The following GAPDHS variants were observed in gnomAD, a reference collection of about 807,000 sequenced individuals.
GAPDHS encodes glyceraldehyde-3-phosphate dehydrogenase, spermatogenic.
GAPDHS carries 42 observed loss-of-function variants against 48.7 expected under a neutral mutation model. The observed-to-expected ratio is 0.86, with a 90% CI of 0.67 to 1.12. The LOEUF is 1.12. GAPDHS is among the 50% of genes most tolerant of loss of function. GAPDHS has a pLI of 0.00. For synonymous variants in GAPDHS, 166 were observed against 219.1 expected (o/e 0.76, Z 2.14); for missense variants, 512 against 557.7 (o/e 0.92, Z 0.82).
chr19:35,542,329 A>G lies in GAPDHS; in HGVS notation c.460A>G (p.Lys154Glu), dbSNP rs373359074. 1.9e-6 allele frequency: 3 copies of G among 1,611,096 alleles called. No homozygotes were observed. In the African/African-American group the frequency reaches 4.0e-5, roughly 22 times the overall value. ...EISVYQCKEP[K>E]QIPWRAVGSP... ...GCCACTTCCCCACAGCAAAGAGCCC[A>G]AACAGATCCCCTGGAGGGCTGTCGG... The change falls in exon 5 of 11, where the codon AAA becomes GAA. Residue 154 changes from lysine to glutamate, a missense_variant. Transcript: ENST00000222286.
rs2071444526 is a variant in GAPDHS at position 35,533,464 on chromosome 19, C to T, written c.-64C>T. 4.2e-6 allele frequency: 6 copies of T among 1,429,214 alleles called. No individual in the cohort carries two copies. Among genetic ancestry groups the T allele is most frequent in the Non-Finnish European group, 4.9e-6 (5 of 1,013,376 alleles). 88.5% of individuals were successfully genotyped at this position (1,429,214 alleles called of 1,614,324 possible). A position where few individuals can be genotyped will look rare whatever the true frequency, so the allele number is the denominator to read the frequency against. On this transcript the variant is annotated 5_prime_UTR_variant, in exon 1 of 11. Transcript: ENST00000222286. ...ATTAGCCCAGGACCCACAGCCCTGG[C>T]GCTCCGCACGCACCTCGGTAACATC...
At chr19:35,543,215 C>G in intron 7 of GAPDHS, 125 bp from the exon 8 acceptor site, 1 of 1,187,784 alleles carries the variant, frequency 8.4e-7, no homozygotes, top group Non-Finnish European at 1.2e-6. Context: ...CACACATCCC[C>G]TCCTGTGGTC....
At chr19:35,543,145 C>A in intron 7 of GAPDHS, 119 bp downstream of exon 7, 1 of 974,280 alleles carries the variant, frequency 1.0e-6, no homozygotes, top group Non-Finnish European at 1.6e-6. Flanking sequence ...GAGAGGCCCA[C>A]CAGTGCAGAA....
In GAPDHS at chr19:35,542,938, G is replaced by A. The variant is rs2071515043; in HGVS notation, c.660-7G>A. 6.2e-7 allele frequency: 1 copy of A among 1,612,478 alleles called. No homozygotes were observed. Among genetic ancestry groups the A allele is most frequent in the Non-Finnish European group, 8.5e-7 (1 of 1,178,454 alleles). On this transcript the variant is annotated splice_polypyrimidine_tract_variant and splice_region_variant and intron_variant, in intron 6 of 10. Coordinates refer to ENST00000222286, the MANE Select transcript of GAPDHS (RefSeq NM_014364.5). ...CACAGTGTCCGTGCACACCTTGGCTGTTTCAGCAACGCGTCCTGCACCACC... is the reference window on the plus strand; with the variant it reads ...CACAGTGTCCGTGCACACCTTGGCTATTTCAGCAACGCGTCCTGCACCACC...
chr19:35,544,095 G>T, intron 9 of GAPDHS: 1 of 428,048 alleles, frequency 2.3e-6, no homozygotes, highest in Admixed American at 4.1e-5. Context: ...TGTTCTTTTT[G>T]TGGCCATATT....
rs538594054 is a variant in GAPDHS, at chr19:35,537,874, GAGACC to G, written c.246-430_246-426del. 2.5e-3 allele frequency among the ~76,000 whole-genome samples: 375 copies of G among 152,260 alleles called. 1 individual carries two copies. Among genetic ancestry groups the G allele is most frequent in the African/African-American group, 8.8e-3 (367 of 41,532 alleles). ...TCTATCAACTTGAGGTCAGGAGTTCGAGACCAGCCTGGCCAACATGGCAAAACCCC... is the reference window on the plus strand; with the variant it reads ...TCTATCAACTTGAGGTCAGGAGTTCGAGCCTGGCCAACATGGCAAAACCCC... On this transcript the variant is annotated intron_variant, in intron 2 of 10. Transcript: ENST00000222286.
chr19:35,544,937 C>A lies in GAPDHS; in HGVS notation c.1085C>A (p.Thr362Asn). 2 of 1,613,250 alleles carry A rather than the reference C, an allele frequency of 1.2e-6. No individual in the cohort carries two copies. Among genetic ancestry groups the A allele is most frequent in the Non-Finnish European group, 1.7e-6 (2 of 1,179,148 alleles). ...EVVSTDFLGD[T>N]HSSIFDAKAG... ...GTCTCTACGGACTTCCTCGGTGATACCCACTCGTCCATCTTCGATGCTAAG... is the reference window on the plus strand; with the variant it reads ...GTCTCTACGGACTTCCTCGGTGATAACCACTCGTCCATCTTCGATGCTAAG... Residue 362 changes from threonine (T) to asparagine (N), a missense_variant, in exon 10 of 11, where the codon ACC becomes AAC. Coordinates refer to ENST00000222286, the MANE Select transcript of GAPDHS (RefSeq NM_014364.5).
chr19:35,543,185 C>A (rs1195341603), intron 7 of GAPDHS, 155 bp from the exon 8 acceptor site: 3 of 1,051,570 alleles, frequency 2.9e-6, no homozygotes, highest in East Asian at 4.8e-5. Flanking sequence ...AACCCTCAGG[C>A]AAGGCTGGAC....
In GAPDHS at chr19:35,538,393, C is replaced by T. The variant is rs370897412; in HGVS notation, c.332C>T (p.Pro111Leu). ...GCTGTGAATGATCCATTCATTGACC[C>T]GGAATACATGGTCAGTAGCTGGCAG... ...VVAVNDPFID[P>L]EYMVYMFKYD... The change falls in exon 3 of 11, where the codon CCG (proline) becomes CTG (leucine). Residue 111 changes from proline (P) to leucine (L), a missense_variant. Physicochemically the swap from Pro to Leu is moderately conservative, Grantham distance 98. Transcript: ENST00000222286. 1.2e-5 allele frequency: 18 copies of T among 1,563,014 alleles called. No homozygotes were observed. Among genetic ancestry groups the T allele is most frequent in the Middle Eastern group, 1.7e-4 (1 of 5,912 alleles).
intron 6 of GAPDHS, 61 bp downstream of exon 6, chr19:35,542,669 C>T: frequency 8.8e-7 from 1 of 1,135,212 alleles, no homozygotes; most frequent in Non-Finnish European, 1.3e-6. Flanking sequence ...TCCTCCCCAC[C>T]CTCAGCCCCA....
intron 4 of GAPDHS, among the ~76,000 whole-genome samples, chr19:35,539,733 G>T (rs530269546): frequency 2.5e-3 from 386 of 152,208 alleles, no homozygotes; most frequent in Non-Finnish European, 4.4e-3. Flanking sequence ...GAAGTTTGTG[G>T]GCAGGGGGCA....
At chr19:35,538,167 C>A in intron 2 of GAPDHS, 140 bp from the exon 3 acceptor site, 1 of 627,662 alleles carries the variant, frequency 1.6e-6, no homozygotes, top group Non-Finnish European at 2.9e-6. Context: ...GTGAGGTCAT[C>A]TTGGCAAGAG....
At chr19:35,538,214 C>T in intron 2 of GAPDHS, 93 bp from the exon 3 acceptor site, 2 of 828,572 alleles carry the variant, frequency 2.4e-6, no homozygotes, top group Non-Finnish European at 4.0e-6. Flanking sequence ...TGCCTTCTTC[C>T]CCTGGATTAA....
intron 4 of GAPDHS, among the ~76,000 whole-genome samples, chr19:35,538,991 G>A (rs539687159): frequency 6.6e-6 from 1 of 151,978 alleles, no homozygotes; most frequent in Middle Eastern, 3.2e-3. Flanking sequence ...ATAGCTCACC[G>A]CATCCTTGAC....
chr19:35,533,511 T>G lies in GAPDHS; in HGVS notation c.-17T>G. 1 of 1,612,126 alleles carries G rather than the reference T, an allele frequency of 6.2e-7. No individual in the cohort carries two copies. The highest frequency in any genetic ancestry group is 2.2e-5 in the East Asian group (1 of 44,858). On this transcript the variant is annotated 5_prime_UTR_variant, in exon 1 of 11. Transcript: ENST00000222286. ...CATCACAGCAGGTCCAGGCCAATGA[T>G]AACCTTATAAGAGGCCATGTCGAAG...
intron 4 of GAPDHS, among the ~76,000 whole-genome samples, chr19:35,540,234 C>G (rs1483170826): frequency 6.6e-6 from 1 of 152,266 alleles, no homozygotes; most frequent in Non-Finnish European, 1.5e-5. Context: ...ACGGAGGGCT[C>G]TGTCAACTGG....
chr19:35,538,253 C>G (rs959052058), intron 2 of GAPDHS, 54 bp from the exon 3 acceptor site: 30 of 1,240,738 alleles, frequency 2.4e-5, no homozygotes, highest in Admixed American at 2.1e-4. Context: ...CTTGAGGGAG[C>G]CTCCTCTCCA....
chr19:35,543,256 T>G lies in GAPDHS; in HGVS notation c.742-84T>G, dbSNP rs561834821. Reference sequence around the variant, plus strand: ...TGGTGGCCCCACCAGCCTCCACACCTAGGCCACCAACTTAGTCCTGGAAAA... The same window carrying G: ...TGGTGGCCCCACCAGCCTCCACACCGAGGCCACCAACTTAGTCCTGGAAAA... On this transcript the variant is annotated intron_variant, in intron 7 of 10. Transcript: ENST00000222286. 2.0e-5 allele frequency: 31 copies of G among 1,527,110 alleles called. No individual in the cohort carries two copies. In the Admixed American group the frequency reaches 4.6e-4, roughly 23 times the overall value. 94.6% of individuals were successfully genotyped at this position (1,527,110 alleles called of 1,614,324 possible).
At chr19:35,538,819 A>T (rs1399552991) in intron 4 of GAPDHS, 136 bp downstream of exon 4, 4 of 660,828 alleles carry the variant, frequency 6.1e-6, no homozygotes, top group Non-Finnish European at 1.1e-5. Context: ...GCCTCTAGGT[A>T]CTAATTTGAA....
Sources: allele counts gnomAD v4.1 joint callset (sites outside exome capture counted in the v4.1 genomes callset), GRCh38; gene constraint gnomAD v4.1.1; transcripts MANE v1.5; gene names NCBI Gene and HGNC (gene_info 2026-07-23, HGNC 2026-07-21).